PCDHGA11: variants seen among roughly 807,000 people sequenced by gnomAD.
The protein encoded by PCDHGA11 is protocadherin gamma-A11.
Under a neutral mutation model 60.4 loss-of-function variants are expected in PCDHGA11, and 39 were observed. The observed-to-expected ratio is 0.65, with a 90% confidence interval of 0.50 to 0.84. PCDHGA11 has a LOEUF of 0.84. Among genes scored for constraint, PCDHGA11 ranks in the 40% least tolerant of loss-of-function variants. PCDHGA11 has a pLI of 0.00. For missense variants in PCDHGA11, 1,165 were observed against 1,197.7 expected (o/e 0.97, Z 0.40); for synonymous variants, 533 against 510.3 (o/e 1.04, Z -0.60).
chr5:141,494,021 G>C (rs1036188621), intron 1 of PCDHGA11, among the ~76,000 whole-genome samples: 2 of 152,158 alleles, frequency 1.3e-5, no homozygotes, highest in African/African-American at 2.4e-5. Context: ...CCCCTTGGGA[G>C]CCCTGGAGAC....
chr5:141,511,138 A>C lies in PCDHGA11; in HGVS notation c.2773A>C (p.Asn925His). 6.2e-7 allele frequency: 1 copy of C among 1,614,210 alleles called. No homozygotes were observed. ...DGKAPAGGNGNKKKSGKKEKK is the reference protein window; with the variant it reads ...DGKAPAGGNGHKKKSGKKEKK ...CAAGGCCCCAGCAGGTGGCAATGGCAACAAGAAGAAGTCGGGCAAGAAGGA... is the reference window on the plus strand; with the variant it reads ...CAAGGCCCCAGCAGGTGGCAATGGCCACAAGAAGAAGTCGGGCAAGAAGGA... Residue 925 changes from asparagine to histidine, a missense_variant, in exon 4 of 4, where the codon AAC becomes CAC. Transcript: ENST00000398587.
In PCDHGA11 at chr5:141,487,198, T is replaced by C; in HGVS notation, c.2434-7609T>C. ...AAGACACTCATCCAGTTGTCCCAGA[T>C]CTTCGAGAATCTTCAGCTCCAAGGG... On this transcript the variant is annotated intron_variant, in intron 1 of 3. Transcript: ENST00000398587. The surrounding 1 kb of genome is among the most constrained non-coding windows in gnomAD (Gnocchi z 5.0). The C allele has an allele frequency of 6.2e-7, 1 of 1,613,854 alleles. No homozygotes were observed.
chr5:141,423,559 G>T lies in PCDHGA11; in HGVS notation c.2332G>T (p.Asp778Tyr). Reference sequence around the variant, plus strand: ...GATTTTCCCCCAGCCCAACTATGGGGACACGCTCATCAGCCAGGAGAGCTG... The same window carrying T: ...GATTTTCCCCCAGCCCAACTATGGGTACACGCTCATCAGCCAGGAGAGCTG... Reference protein sequence around the residue: ...HLIFPQPNYGDTLISQESCEK... With the variant: ...HLIFPQPNYGYTLISQESCEK... The change falls in exon 1 of 4, where the codon GAC (aspartate) becomes TAC (tyrosine). Residue 778 changes from aspartate to tyrosine, a missense_variant. Asp to Tyr is a radical substitution (Grantham distance 160). Transcript: ENST00000398587. 1 of 1,613,584 alleles carries T rather than the reference G, an allele frequency of 6.2e-7. No homozygotes were observed. The highest frequency in any genetic ancestry group is 8.5e-7 in the Non-Finnish European group (1 of 1,179,696).
At chr5:141,510,158 A>G (rs1406170246) in intron 3 of PCDHGA11, among the ~76,000 whole-genome samples, 1 of 152,018 alleles carries the variant, frequency 6.6e-6, no homozygotes, top group African/African-American at 2.4e-5. Flanking sequence ...CTGTAATCTC[A>G]GCTACTCAGG....
chr5:141,499,260 G>T (rs2099790657), intron 2 of PCDHGA11, among the ~76,000 whole-genome samples: 1 of 152,028 alleles, frequency 6.6e-6, no homozygotes, highest in African/African-American at 2.4e-5. Context: ...GTCTCCATTT[G>T]GTCCCTAGAC....
At position 141,486,002 on chromosome 5, in the gene PCDHGA11, G is replaced by A. The variant is rs372373315; in HGVS notation, c.2434-8805G>A. ...CCCGGACCTGGGTCCCAGTGGTAAC[G>A]TCACCTTTTATTTCAGTGGTCATAC... On this transcript the variant is annotated intron_variant, in intron 1 of 3. Coordinates refer to ENST00000398587, the MANE Select transcript of PCDHGA11 (RefSeq NM_018914.3). The surrounding 1 kb of genome is among the most constrained non-coding windows in gnomAD (Gnocchi z 5.0). 2.0e-5 allele frequency: 33 copies of A among 1,614,030 alleles called. No homozygotes were observed. The highest frequency in any genetic ancestry group is 2.8e-5 in the Non-Finnish European group (33 of 1,180,014).
intron 1 of PCDHGA11, chr5:141,426,986 C>T (rs764345099): frequency 1.8e-5 from 8 of 456,618 alleles, no homozygotes; most frequent in South Asian, 7.7e-5. Flanking sequence ...CTGATGCCAA[C>T]GATAATGCCC....
Position 141,487,265 on chromosome 5 carries a change from G to C in PCDHGA11, c.2434-7542G>C, listed in dbSNP as rs144347539. 6,978 of 1,614,152 alleles carry C rather than the reference G, an allele frequency of 4.3e-3. 28 individuals carry two copies. Among genetic ancestry groups the C allele is most frequent in the Non-Finnish European group, 4.9e-3 (5,770 of 1,180,028 alleles). ...AACCCTCTACTTGGCTGTGTCCCTA[G>C]TGGCAATTTGCTTTGTCTCCTTTGG... On this transcript the variant is annotated intron_variant, in intron 1 of 3. Coordinates refer to ENST00000398587, the MANE Select transcript of PCDHGA11 (RefSeq NM_018914.3). This position sits in a 1 kb window ranked among gnomAD's most constrained non-coding sequence, Gnocchi z 5.0.
At chr5:141,447,957 A>T (rs1460497437) in intron 1 of PCDHGA11, among the ~76,000 whole-genome samples, 3 of 151,910 alleles carry the variant, frequency 2.0e-5, no homozygotes, top group African/African-American at 7.3e-5. Context: ...ATGGTGGCGG[A>T]CACCTATAAT....
chr5:141,454,893 C>T (rs1414320972), intron 1 of PCDHGA11, among the ~76,000 whole-genome samples: 7 of 146,892 alleles, frequency 4.8e-5, no homozygotes, highest in Admixed American at 1.4e-4. Flanking sequence ...CTGCTAGCAC[C>T]GCCTCCCGGG....
At chr5:141,464,430 T>C (rs1213919443) in intron 1 of PCDHGA11, among the ~76,000 whole-genome samples, 1 of 151,680 alleles carries the variant, frequency 6.6e-6, no homozygotes, top group Non-Finnish European at 1.5e-5. Flanking sequence ...TATATAGATA[T>C]ATATGTTTGT....
At position 141,432,644 on chromosome 5, in the gene PCDHGA11, G is replaced by A; in HGVS notation, c.2433+8984G>A. The A allele has an allele frequency of 1.2e-6, 2 of 1,613,812 alleles. No homozygotes were observed. The highest frequency in any genetic ancestry group is 1.7e-6 in the Non-Finnish European group (2 of 1,179,942). ...TCTGCACACGGGCGAGGTGCGCACG[G>A]CGCGAGCCCTGCTGGACAGAGACGC... On this transcript the variant is annotated intron_variant, in intron 1 of 3. Coordinates refer to ENST00000398587, the MANE Select transcript of PCDHGA11 (RefSeq NM_018914.3). The surrounding 1 kb of genome is among the most constrained non-coding windows in gnomAD (Gnocchi z 6.0).
In PCDHGA11 at chr5:141,486,157, A is replaced by C. The variant is rs1562110580; in HGVS notation, c.2434-8650A>C. On this transcript the variant is annotated intron_variant, in intron 1 of 3. Transcript: ENST00000398587. This position sits in a 1 kb window ranked among gnomAD's most constrained non-coding sequence, Gnocchi z 5.0. ...TGCGGGCTCGCGATGGGGGTTCTCC[A>C]GCCATGGAGCAACATTGCAGCCTTC... 10 of 1,614,208 alleles carry C rather than the reference A, an allele frequency of 6.2e-6. No individual in the cohort carries two copies. The highest frequency in any genetic ancestry group is 8.5e-6 in the Non-Finnish European group (10 of 1,180,028).
chr5:141,423,157 G>T lies in PCDHGA11; in HGVS notation c.1930G>T (p.Val644Leu). The T allele has an allele frequency of 1.9e-6, 3 of 1,610,820 alleles. No individual in the cohort carries two copies. Among genetic ancestry groups the T allele is most frequent in the East Asian group, 2.2e-5 (1 of 44,864 alleles). Reference sequence around the variant, plus strand: ...CAGAGACGCGCTCAAGCAGAGCCTCGTGGTGGCCGTCCAGGACCACGGCCA... The same window carrying T: ...CAGAGACGCGCTCAAGCAGAGCCTCTTGGTGGCCGTCCAGGACCACGGCCA... ...LDRDALKQSL[V>L]VAVQDHGQPP... Residue 644 changes from valine (V) to leucine (L), a missense_variant, in exon 1 of 4, where the codon GTG (valine) becomes TTG (leucine). Coordinates refer to ENST00000398587, the MANE Select transcript of PCDHGA11 (RefSeq NM_018914.3).
rs2099661624 is a variant in PCDHGA11, at chr5:141,487,712, G to A, written c.2434-7095G>A. The stretch of plus-strand genomic sequence containing the variant: ...AGAGAGTACTGGCCTCTCAGTAAGT[G>A]CCCATAGTGATGTCACCATTTTTGT... On this transcript the variant is annotated intron_variant, in intron 1 of 3. Coordinates refer to ENST00000398587, the MANE Select transcript of PCDHGA11 (RefSeq NM_018914.3). The surrounding 1 kb of genome is among the most constrained non-coding windows in gnomAD (Gnocchi z 5.0). The A allele has an allele frequency of 5.0e-6, 8 of 1,585,892 alleles. No individual in the cohort carries two copies. The highest frequency in any genetic ancestry group is 1.1e-5 in the South Asian group (1 of 87,950).
At chr5:141,473,228 A>T (rs549587219) in intron 1 of PCDHGA11, among the ~76,000 whole-genome samples, 1 of 152,296 alleles carries the variant, frequency 6.6e-6, no homozygotes, top group African/African-American at 2.4e-5. Context: ...GGGAGATTGG[A>T]TCCACACAAG....
At chr5:141,429,489 A>G (rs2097218567) in intron 1 of PCDHGA11, among the ~76,000 whole-genome samples, 1 of 152,062 alleles carries the variant, frequency 6.6e-6, no homozygotes, top group South Asian at 2.1e-4. Context: ...AGCTGAGACT[A>G]CAGTTGCCTG....
At position 141,511,246 on chromosome 5, in the gene PCDHGA11, G is replaced by A; in HGVS notation, c.*73G>A. 2 of 1,578,734 alleles carry A rather than the reference G, an allele frequency of 1.3e-6. No homozygotes were observed. Among genetic ancestry groups the A allele is most frequent in the Non-Finnish European group, 1.7e-6 (2 of 1,162,472 alleles). On this transcript the variant is annotated 3_prime_UTR_variant, in exon 4 of 4. Coordinates refer to ENST00000398587, the MANE Select transcript of PCDHGA11 (RefSeq NM_018914.3). The stretch of plus-strand genomic sequence containing the variant: ...CCAGCTTCTCCTTACCTGCACCCAG[G>A]CCTCAGAGTTTCAGGGCTAACCCCC...
intron 1 of PCDHGA11, among the ~76,000 whole-genome samples, chr5:141,464,300 A>G (rs1349155102): frequency 2.0e-5 from 3 of 149,898 alleles, no homozygotes; most frequent in East Asian, 1.9e-4. Context: ...ACTCCATTGT[A>G]TGTGCACATA....
Sources: gnomAD v4.1 joint callset for allele counts (sites outside exome capture counted in the v4.1 genomes callset) on GRCh38, gnomAD v4.1.1 for gene constraint, Gnocchi (gnomAD v3.1) non-coding constraint, MANE v1.5 for transcripts, NCBI Gene and HGNC (gene_info 2026-07-23, HGNC 2026-07-21) for gene names.